Variants in AMBRA1 observed in about 807,000 individuals in gnomAD.
AMBRA1 encodes the protein activating molecule in BECN1-regulated autophagy protein 1.
A neutral mutation model predicts 125.4 loss-of-function variants in AMBRA1; 47 were observed. That is an observed-to-expected ratio of 0.37 (90% CI 0.30 to 0.48). The LOEUF is 0.48. AMBRA1 is among the 20% of genes least tolerant of loss of function. The probability of loss-of-function intolerance (pLI) is 0.99; values close to 1 mark genes in which losing one functional copy is unlikely to be tolerated. For missense variants in AMBRA1, 1,331 were observed against 1,693.4 expected, an observed-to-expected ratio of 0.79 and a Z score of 3.76; for synonymous variants, 626 against 655.5, an observed-to-expected ratio of 0.95 and a Z score of 0.69.
intron 9 of AMBRA1, among the ~76,000 whole-genome samples, chr11:46,502,993 G>A (rs751346316): frequency 9.4e-5 from 14 of 149,370 alleles, no homozygotes; most frequent in Non-Finnish European, 3.0e-5. Flanking sequence ...CCTGGGAGGC[G>A]GAGCATGCAG....
chr11:46,476,927 TA>T (rs1949837458), intron 11 of AMBRA1, among the ~76,000 whole-genome samples: 1 of 151,992 alleles, frequency 6.6e-6, no homozygotes, highest in Admixed American at 6.6e-5. Flanking sequence ...GTCAAGATGG[TA>T]AAACCTTGTC....
At chr11:46,398,608 CTGAG>C (rs987407486) in intron 17 of AMBRA1, among the ~76,000 whole-genome samples, 3 of 152,180 alleles carry the variant, frequency 2.0e-5, no homozygotes, top group South Asian at 2.1e-4. Flanking sequence ...CCTCGGCCTC[CTGAG>C]TAACTACAGG....
intron 1 of AMBRA1, among the ~76,000 whole-genome samples, chr11:46,557,666 G>C (rs1193893007): frequency 6.6e-6 from 1 of 152,138 alleles, no homozygotes; most frequent in Non-Finnish European, 1.5e-5. Flanking sequence ...AAATTAGCTA[G>C]GCATGGTGGC....
At chr11:46,506,828 G>A (rs534177602) in intron 9 of AMBRA1, among the ~76,000 whole-genome samples, 98 of 152,212 alleles carry the variant, frequency 6.4e-4, no homozygotes, top group African/African-American at 2.3e-3. Context: ...TGGCTAGAAA[G>A]GTCAGAAGCA....
chr11:46,451,866 G>C (rs1948613050), intron 11 of AMBRA1: 1 of 144,254 alleles, frequency 6.9e-6, no homozygotes, highest in Non-Finnish European at 1.5e-5. Flanking sequence ...GGAGAGCTGA[G>C]ACTAGAAAGC....
At chr11:46,585,679 AAAAAAAAAAAAAAAAAATATATAT>A (rs1188956266) in intron 1 of AMBRA1, among the ~76,000 whole-genome samples, 13 of 34,648 alleles carry the variant, frequency 3.8e-4, no homozygotes, top group African/African-American at 1.5e-3. Flanking sequence ...AAAAAAAAAA[AAAAAAAAAAAAAAAAAATATATAT>A]ATATATATAT....
At chr11:46,429,467 GT>G (rs1947345564) in intron 14 of AMBRA1, among the ~76,000 whole-genome samples, 1 of 152,194 alleles carries the variant, frequency 6.6e-6, no homozygotes, top group African/African-American at 2.4e-5. Context: ...GTTAATTCCA[GT>G]GTTGAAAGCA....
intron 17 of AMBRA1, among the ~76,000 whole-genome samples, chr11:46,404,058 T>G (rs530503589): frequency 1.3e-5 from 2 of 152,182 alleles, no homozygotes; most frequent in East Asian, 3.9e-4. Context: ...TAAACAAAAT[T>G]AGCCAGGCGT....
At position 46,417,952 on chromosome 11, in the gene AMBRA1, T is replaced by C. The variant is rs1946619447; in HGVS notation, c.3077A>G (p.Tyr1026Cys). The C allele has an allele frequency of 2.5e-6, 4 of 1,611,148 alleles. No individual in the cohort carries two copies. The highest frequency in any genetic ancestry group is 3.4e-6 in the Non-Finnish European group (4 of 1,177,934). Residue 1026 changes from tyrosine (Y) to cysteine (C), a missense_variant, in exon 15 of 18, where the codon TAT (tyrosine) becomes TGT (cysteine). Transcript: ENST00000683756. ...CACCAGGTCTCCTTTGTTAGTACCATAGGCCAAGCCAAGCCCTGGCTCAGG... is the reference window on the plus strand; with the variant it reads ...CACCAGGTCTCCTTTGTTAGTACCACAGGCCAAGCCAAGCCCTGGCTCAGG... Reference protein sequence around the residue: ...WLPEPGLGLAYGTNKGDLVIC... With the variant: ...WLPEPGLGLACGTNKGDLVIC...
At chr11:46,538,866 T>C (rs914464804) in intron 7 of AMBRA1, among the ~76,000 whole-genome samples, 2 of 152,310 alleles carry the variant, frequency 1.3e-5, no homozygotes, top group Non-Finnish European at 2.9e-5. Flanking sequence ...TATAATATCA[T>C]AGCCATTAGT....
intron 11 of AMBRA1, among the ~76,000 whole-genome samples, chr11:46,479,261 C>T (rs1949958307): frequency 6.6e-6 from 1 of 152,024 alleles, no homozygotes; most frequent in Admixed American, 6.6e-5. Flanking sequence ...CCTCAGATTT[C>T]AAAGCCTACT....
At position 46,505,523 on chromosome 11, in the gene AMBRA1, C is replaced by T. The variant is rs376839489; in HGVS notation, c.2339+2668G>A. Among the ~76,000 whole-genome samples the T allele has an allele frequency of 5.0e-4, 76 of 152,254 alleles. 1 individual carries two copies. In the South Asian group the frequency reaches 0.015, roughly 30 times the overall value. On this transcript the variant is annotated intron_variant, in intron 9 of 17. Coordinates refer to ENST00000683756, the MANE Select transcript of AMBRA1 (RefSeq NM_001387011.1). ...ATCAGCCCAAAAAGAAAGGCAAACA[C>T]CCCAGAAGGGACTTTCCAAGGAGTA...
intron 12 of AMBRA1, among the ~76,000 whole-genome samples, chr11:46,439,248 T>C (rs1461349015): frequency 6.6e-6 from 1 of 152,218 alleles, no homozygotes; most frequent in African/African-American, 2.4e-5. Flanking sequence ...TACTCCAGCC[T>C]GGGCAACAGA....
intron 11 of AMBRA1, among the ~76,000 whole-genome samples, chr11:46,484,673 G>A (rs1216620211): frequency 6.6e-6 from 1 of 151,382 alleles, no homozygotes; most frequent in Admixed American, 6.6e-5. Flanking sequence ...CTGAGATGGA[G>A]TCTCACTCTG....
At chr11:46,489,147 T>C (rs556983759) in intron 11 of AMBRA1, among the ~76,000 whole-genome samples, 7 of 152,260 alleles carry the variant, frequency 4.6e-5, no homozygotes, top group Non-Finnish European at 7.4e-5. Context: ...ACATGTGCCA[T>C]GCTGGTGTGC....
At chr11:46,407,952 A>ATTGGTTT (rs1946102704) in intron 17 of AMBRA1, among the ~76,000 whole-genome samples, 1 of 152,136 alleles carries the variant, frequency 6.6e-6, no homozygotes. Flanking sequence ...GGAAGTGCTA[A>ATTGGTTT]TTGGTTTTTA....
In AMBRA1 at chr11:46,481,764, G is replaced by T. The variant is rs952738078; in HGVS notation, c.2521+11844C>A. Among the ~76,000 whole-genome samples, 3 of 152,334 alleles carry T rather than the reference G, an allele frequency of 2.0e-5. No individual in the cohort carries two copies. In the East Asian group the frequency reaches 5.8e-4, roughly 29 times the overall value. On this transcript the variant is annotated intron_variant, in intron 11 of 17. Transcript: ENST00000683756. ...CCCATGGTGGTTCTGTTGGAAAAGA[G>T]CAGGACTGCCTGAGGTCCAACTCCC...
chr11:46,484,515 G>A (rs1020388577), intron 11 of AMBRA1, among the ~76,000 whole-genome samples: 7 of 152,184 alleles, frequency 4.6e-5, no homozygotes, highest in Non-Finnish European at 7.3e-5. Context: ...AGAACTTAAA[G>A]TACAAATAAA....
intron 17 of AMBRA1, among the ~76,000 whole-genome samples, chr11:46,403,219 C>A (rs1945845929): frequency 6.6e-6 from 1 of 152,172 alleles, no homozygotes; most frequent in Non-Finnish European, 1.5e-5. Context: ...GATTTCATTG[C>A]CAGAAGAGCC....
Sources: allele counts gnomAD v4.1 joint callset (sites outside exome capture counted in the v4.1 genomes callset), GRCh38; gene constraint gnomAD v4.1.1; transcripts MANE v1.5; gene names NCBI Gene and HGNC (gene_info 2026-07-23, HGNC 2026-07-21).